Variants in PTPRD observed in about 807,000 individuals in gnomAD.
The protein encoded by PTPRD is protein tyrosine phosphatase receptor type D, also known as receptor-type tyrosine-protein phosphatase delta.
In PTPRD, 34 loss-of-function variants were observed where a neutral mutation model predicts 214.5. That is an observed-to-expected ratio of 0.16 (90% CI 0.12 to 0.21). The LOEUF (loss-of-function observed/expected upper bound fraction) is 0.21. PTPRD is among the 10% of genes least tolerant of loss of function. The probability of loss-of-function intolerance (pLI) is 1.00; values close to 1 mark genes in which losing one functional copy is unlikely to be tolerated. For synonymous variants in PTPRD, 1,128 were observed against 845.7 expected (o/e 1.33, Z -5.79); for missense variants, 2,545 against 2,398.7 (o/e 1.06, Z -1.27).
intron 3 of PTPRD, among the ~76,000 whole-genome samples, chr9:10,039,240 G>T (rs1014080593): frequency 1.3e-5 from 2 of 151,872 alleles, no homozygotes; most frequent in African/African-American, 4.8e-5. Context: ...TTTCTACTGT[G>T]ACAATTTAAA....
chr9:8,932,600 G>C (rs1819944075), intron 11 of PTPRD, among the ~76,000 whole-genome samples: 2 of 152,158 alleles, frequency 1.3e-5, no homozygotes, highest in African/African-American at 4.8e-5. Context: ...ATTCAGTCTG[G>C]CTACAACAGC....
chr9:10,570,350 A>T (rs2067030354), intron 2 of PTPRD, among the ~76,000 whole-genome samples: 2 of 152,200 alleles, frequency 1.3e-5, no homozygotes. Context: ...CAAAGGTCAC[A>T]AATGATTATG....
chr9:10,298,716 A>AT (rs896459820), intron 3 of PTPRD, among the ~76,000 whole-genome samples: 7 of 152,042 alleles, frequency 4.6e-5, no homozygotes, highest in Admixed American at 4.6e-4. Flanking sequence ...GTATGTATAT[A>AT]TTTAGCACAG....
chr9:9,462,342 A>G (rs571006355), intron 8 of PTPRD, among the ~76,000 whole-genome samples: 8 of 152,172 alleles, frequency 5.3e-5, no homozygotes, highest in Non-Finnish European at 8.8e-5. Flanking sequence ...GAAATGTGAA[A>G]TAATAGTTCT....
At chr9:10,182,781 G>C (rs2099307452) in intron 3 of PTPRD, among the ~76,000 whole-genome samples, 1 of 152,104 alleles carries the variant, frequency 6.6e-6, no homozygotes, top group African/African-American at 2.4e-5. Flanking sequence ...GTATAAATTA[G>C]TGCAATCATC....
At chr9:10,003,872 G>C (rs1303974173) in intron 4 of PTPRD, among the ~76,000 whole-genome samples, 1 of 151,370 alleles carries the variant, frequency 6.6e-6, no homozygotes, top group Non-Finnish European at 1.5e-5. Context: ...ATTTTAAAAA[G>C]CCGACATACC....
chr9:9,263,072 T>A (rs1198733381), intron 9 of PTPRD, among the ~76,000 whole-genome samples: 3 of 151,624 alleles, frequency 2.0e-5, no homozygotes, highest in Admixed American at 2.0e-4. Context: ...GGTAAAAAAA[T>A]TAATTTATCA....
rs1822961607 is a variant in PTPRD, at chr9:8,317,793, T to C, written c.*81A>G. On this transcript the variant is annotated 3_prime_UTR_variant, in exon 46 of 46. Coordinates refer to ENST00000381196, the MANE Select transcript of PTPRD (RefSeq NM_002839.4). ...TTAGCTAGAAGTTAAGAAGGACTTC[T>C]CAAGTGCCCTGTATGGCTCAGAAGA... 10 of 1,281,214 alleles carry C rather than the reference T, an allele frequency of 7.8e-6. No homozygotes were observed. The highest frequency in any genetic ancestry group is 1.1e-5 in the Non-Finnish European group (10 of 890,990). 79.4% of individuals were successfully genotyped at this position (1,281,214 alleles called of 1,614,324 possible). A position where few individuals can be genotyped will look rare whatever the true frequency, so the allele number is the denominator to read the frequency against.
intron 3 of PTPRD, among the ~76,000 whole-genome samples, chr9:10,304,619 TAGAC>T (rs1432049607): frequency 6.0e-5 from 9 of 150,896 alleles, no homozygotes; most frequent in South Asian, 2.1e-4. Context: ...ATACAAATAA[TAGAC>T]AGAGATTCAA....
chr9:9,085,878 G>C (rs1204386896), intron 10 of PTPRD, among the ~76,000 whole-genome samples: 2 of 152,150 alleles, frequency 1.3e-5, no homozygotes, highest in East Asian at 3.8e-4. Context: ...GGCTGAAATT[G>C]TCCCCAGGAA....
At chr9:9,925,580 T>C (rs2083987981) in intron 5 of PTPRD, among the ~76,000 whole-genome samples, 1 of 152,020 alleles carries the variant, frequency 6.6e-6, no homozygotes, top group African/African-American at 2.4e-5. Context: ...TAGTGGTCTT[T>C]TTTCAGTACT....
chr9:9,952,948 C>G (rs997264142), intron 4 of PTPRD, among the ~76,000 whole-genome samples: 64 of 152,162 alleles, frequency 4.2e-4, no homozygotes, highest in African/African-American at 1.4e-3. Flanking sequence ...TAGAAGAGCC[C>G]TCATACTGCT....
At chr9:10,254,106 G>C (rs78794720) in intron 3 of PTPRD, among the ~76,000 whole-genome samples, 3 of 152,082 alleles carry the variant, frequency 2.0e-5, no homozygotes, top group Non-Finnish European at 4.4e-5. Flanking sequence ...CATACTGTCC[G>C]CAGAGAACAA....
chr9:8,940,530 T>C (rs2099027161), intron 11 of PTPRD, among the ~76,000 whole-genome samples: 1 of 148,118 alleles, frequency 6.8e-6, no homozygotes. Flanking sequence ...TGACCTCAGG[T>C]GATCCACCTG....
At chr9:8,351,533 G>A (rs1166948273) in intron 39 of PTPRD, among the ~76,000 whole-genome samples, 1 of 151,664 alleles carries the variant, frequency 6.6e-6, no homozygotes, top group Non-Finnish European at 1.5e-5. Context: ...AGGCTCCAAA[G>A]ACACAGAGAG....
chr9:9,327,807 C>G (rs576726523), intron 9 of PTPRD, among the ~76,000 whole-genome samples: 1 of 151,546 alleles, frequency 6.6e-6, no homozygotes, highest in East Asian at 1.9e-4. Flanking sequence ...ATGTACATCA[C>G]GGGTGTCCAA....
At chr9:9,088,964 A>G (rs899355868) in intron 10 of PTPRD, among the ~76,000 whole-genome samples, 2 of 152,220 alleles carry the variant, frequency 1.3e-5, no homozygotes, top group Admixed American at 1.3e-4. Context: ...CAGAACAATG[A>G]TAAGCACTCA....
intron 7 of PTPRD, among the ~76,000 whole-genome samples, chr9:9,681,639 G>A (rs909837916): frequency 2.6e-5 from 4 of 151,632 alleles, no homozygotes; most frequent in East Asian, 3.9e-4. Flanking sequence ...ACCAGATTGC[G>A]TCCCTTCTCC....
rs114182153 is a variant in PTPRD, at chr9:10,233,781, C to T, written c.-545+107182G>A. Among the ~76,000 whole-genome samples, 1,482 of 151,926 alleles carry T rather than the reference C, an allele frequency of 9.8e-3. 27 individuals carry two copies. Among genetic ancestry groups the T allele is most frequent in the African/African-American group, 0.033 (1,381 of 41,490 alleles). On this transcript the variant is annotated intron_variant, in intron 3 of 45. Coordinates refer to ENST00000381196, the MANE Select transcript of PTPRD (RefSeq NM_002839.4). ...GGAATTCGTATAACAGACAACATAA[C>T]GCCTGGACTATTTTTAAATATCTAA...
Sources: gnomAD v4.1 joint callset for allele counts (sites outside exome capture counted in the v4.1 genomes callset) on GRCh38, gnomAD v4.1.1 for gene constraint, MANE v1.5 for transcripts, NCBI Gene and HGNC (gene_info 2026-07-23, HGNC 2026-07-21) for gene names.